Variants in VAC14 observed in about 807,000 individuals in gnomAD.
The protein encoded by VAC14 is protein VAC14 homolog.
In VAC14, 47 loss-of-function variants were observed where a neutral mutation model predicts 85.3. That is an observed-to-expected ratio of 0.55 (90% CI 0.44 to 0.70). The LOEUF is 0.70. Ranked by LOEUF, VAC14 falls within the 30% of genes least tolerant of loss-of-function variation. VAC14 has a pLI of 0.00. For synonymous variants in VAC14, 447 were observed against 430.5 expected (o/e 1.04, Z -0.47); for missense variants, 861 against 1,004.3 (o/e 0.86, Z 1.93).
intron 14 of VAC14, among the ~76,000 whole-genome samples, chr16:70,704,926 A>T (rs186857527): frequency 2.2e-4 from 33 of 152,310 alleles, no homozygotes; most frequent in African/African-American, 7.2e-4. Context: ...GCAAGACATG[A>T]AACTTCCCAT....
At chr16:70,700,884 G>A (rs552702037) in intron 14 of VAC14, among the ~76,000 whole-genome samples, 14 of 152,306 alleles carry the variant, frequency 9.2e-5, no homozygotes, top group Admixed American at 5.9e-4. Context: ...GCCAGGCAGC[G>A]CTCTCCAGGG....
intron 9 of VAC14, among the ~76,000 whole-genome samples, chr16:70,773,770 TTA>T (rs869284771): frequency 1.3e-5 from 2 of 151,838 alleles, no homozygotes; most frequent in African/African-American, 2.4e-5. Flanking sequence ...ATTATTATTA[TTA>T]TTTTTTTTTG....
chr16:70,781,893 A>G lies in VAC14; in HGVS notation c.922T>C (p.Leu308=), dbSNP rs2143248330. 1 of 1,614,156 alleles carries G rather than the reference A, an allele frequency of 6.2e-7. No individual in the cohort carries two copies. Among genetic ancestry groups the G allele is most frequent in the Non-Finnish European group, 8.5e-7 (1 of 1,180,034 alleles). The change falls in exon 8 of 19, where the codon TTG becomes CTG. Residue 308 remains leucine (L), a synonymous_variant. Coordinates refer to ENST00000261776, the MANE Select transcript of VAC14 (RefSeq NM_018052.5). ...CTTTTCTTGCGGTCATCGTAGGCCA[A>G]GCAGGGCAAGACAGCAGTCAGGATC... ...SGILTAVLPC[L]AYDDRKKSIK...
chr16:70,727,303 C>A lies in VAC14; in HGVS notation c.1661+4192G>T, dbSNP rs140884276. Among the ~76,000 whole-genome samples, 15 of 152,328 alleles carry A rather than the reference C, an allele frequency of 9.8e-5. 1 individual carries two copies. The highest frequency in any genetic ancestry group is 2.4e-4 in the African/African-American group (10 of 41,586). The stretch of plus-strand genomic sequence containing the variant: ...GCCTGTGGCTTCATGCCAGCATCTG[C>A]GGAACCATCGCGATGCCTCTCTTTA... On this transcript the variant is annotated intron_variant, in intron 14 of 18. Transcript: ENST00000261776.
At chr16:70,781,479 C>T (rs755319527) in intron 8 of VAC14, among the ~76,000 whole-genome samples, 13 of 152,158 alleles carry the variant, frequency 8.5e-5, no homozygotes, top group African/African-American at 1.9e-4. Flanking sequence ...ACAGGCTGTC[C>T]GAACTGAGCC....
At chr16:70,736,714 C>G (rs1010789020) in intron 13 of VAC14, among the ~76,000 whole-genome samples, 1 of 152,198 alleles carries the variant, frequency 6.6e-6, no homozygotes, top group Non-Finnish European at 1.5e-5. Context: ...GAAGCCGCAG[C>G]AAGCGATTCA....
intron 14 of VAC14, chr16:70,715,651 G>A (rs1442161450): frequency 6.6e-6 from 1 of 152,234 alleles, no homozygotes; most frequent in Non-Finnish European, 1.5e-5. Context: ...CTAATTTCCA[G>A]GGCTATAACC....
chr16:70,794,808 C>G (rs2034476229), intron 1 of VAC14, among the ~76,000 whole-genome samples: 1 of 152,206 alleles, frequency 6.6e-6, no homozygotes, highest in African/African-American at 2.4e-5. Flanking sequence ...AACAGCCAAG[C>G]TGGGTGGAAT....
At chr16:70,746,146 C>G (rs2030871404) in intron 12 of VAC14, among the ~76,000 whole-genome samples, 1 of 152,216 alleles carries the variant, frequency 6.6e-6, no homozygotes, top group African/African-American at 2.4e-5. Flanking sequence ...CCACACTGCC[C>G]AATTGTCACT....
chr16:70,781,856 A>C lies in VAC14; in HGVS notation c.946+13T>G. On this transcript the variant is annotated intron_variant, in intron 8 of 18. Transcript: ENST00000261776. ...GGCTTCTCTCAATTATTCTCTCCCA[A>C]AGCAAAGGATACTTTTCTTGCGGTC... 6.2e-7 allele frequency: 1 copy of C among 1,613,512 alleles called. No individual in the cohort carries two copies. Among genetic ancestry groups the C allele is most frequent in the Non-Finnish European group, 8.5e-7 (1 of 1,179,672 alleles).
chr16:70,744,612 T>G (rs753760675), intron 12 of VAC14, 33 bp from the exon 13 acceptor site: 1 of 1,557,998 alleles, frequency 6.4e-7, no homozygotes, highest in Non-Finnish European at 8.7e-7. Flanking sequence ...AGGGATGAGC[T>G]CTCCGCTGAG....
chr16:70,761,444 G>A (rs113712448), intron 12 of VAC14, among the ~76,000 whole-genome samples: 4 of 152,256 alleles, frequency 2.6e-5, no homozygotes, highest in African/African-American at 9.6e-5. Flanking sequence ...CATCTGAGAT[G>A]CAGCCTGAAG....
intron 18 of VAC14, chr16:70,690,701 C>CT (rs753793429): frequency 5.1e-6 from 5 of 985,756 alleles, no homozygotes; most frequent in Non-Finnish European, 6.0e-6. Flanking sequence ...CTGTCTGCCC[C>CT]TCCCAGGGCT....
chr16:70,714,082 GCCTGCTTGCTTACCAGGCCCAGGGCCCAT>G (rs2054096978), intron 14 of VAC14: 3 of 152,238 alleles, frequency 2.0e-5, no homozygotes. Flanking sequence ...CTCTCCTGTG[GCCTGCTTGCTTACCAGGCCCAGGGCCCAT>G]CCTGGGGGCC....
At chr16:70,692,020 C>T (rs1024439811) in intron 18 of VAC14, 47 of 984,586 alleles carry the variant, frequency 4.8e-5, no homozygotes, top group Non-Finnish European at 5.5e-5. Context: ...CGTAAATCTT[C>T]TCAGTGGCTC....
chr16:70,766,144 C>A (rs1192837104), intron 10 of VAC14, among the ~76,000 whole-genome samples: 3 of 147,988 alleles, frequency 2.0e-5, no homozygotes, highest in African/African-American at 7.8e-5. Context: ...AGAGCAAGAC[C>A]CTGTCCCAAA....
chr16:70,740,011 T>C (rs896263291), intron 13 of VAC14, among the ~76,000 whole-genome samples: 1 of 152,122 alleles, frequency 6.6e-6, no homozygotes, highest in African/African-American at 2.4e-5. Flanking sequence ...CCCAGGCTAG[T>C]GTGCAGTGGT....
chr16:70,742,523 T>C (rs1460320263), intron 13 of VAC14, among the ~76,000 whole-genome samples: 4 of 151,992 alleles, frequency 2.6e-5, no homozygotes, highest in Admixed American at 2.6e-4. Context: ...AGGGTGGGAG[T>C]CCCAGCAGGG....
At chr16:70,718,168 T>C (rs2054207414) in intron 14 of VAC14, among the ~76,000 whole-genome samples, 3 of 152,190 alleles carry the variant, frequency 2.0e-5, no homozygotes, top group Admixed American at 2.0e-4. Flanking sequence ...AGTGCACAAG[T>C]TACTAGGTGC....
Sources: allele counts gnomAD v4.1 joint callset (sites outside exome capture counted in the v4.1 genomes callset), GRCh38; gene constraint gnomAD v4.1.1; transcripts MANE v1.5; gene names NCBI Gene and HGNC (gene_info 2026-07-23, HGNC 2026-07-21).